GNPTAB: variants seen among roughly 807,000 people sequenced by gnomAD.
GNPTAB encodes N-acetylglucosamine-1-phosphotransferase subunits alpha/beta.
A neutral mutation model predicts 136.6 loss-of-function variants in GNPTAB; 92 were observed. The observed-to-expected ratio is 0.67, with a 90% confidence interval of 0.57 to 0.80. The LOEUF (loss-of-function observed/expected upper bound fraction) is 0.80. GNPTAB is among the 30% of genes least tolerant of loss of function. The pLI, the probability that GNPTAB is intolerant of heterozygous loss-of-function variation, is 0.00. For synonymous variants in GNPTAB, 512 were observed against 535.1 expected (o/e 0.96, Z 0.60); for missense variants, 1,343 against 1,501.8 (o/e 0.89, Z 1.75).
chr12:101,765,408 T>A, intron 12 of GNPTAB, 104 bp from the exon 13 acceptor site: 4 of 797,456 alleles, frequency 5.0e-6, no homozygotes, highest in Non-Finnish European at 2.1e-6. Flanking sequence ...TTAAAAAAAA[T>A]AATAGGGAAT....
chr12:101,762,611 TATAAATAA>T (rs941765698), intron 13 of GNPTAB, among the ~76,000 whole-genome samples: 1 of 151,992 alleles, frequency 6.6e-6, no homozygotes, highest in Non-Finnish European at 1.5e-5. Flanking sequence ...CTGGCATGGG[TATAAATAA>T]ATAAATAAAT....
At position 101,764,534 on chromosome 12, in the gene GNPTAB, C is replaced by T. The variant is rs748604930; in HGVS notation, c.2383G>A (p.Val795Ile). 3 of 1,613,380 alleles carry T rather than the reference C, an allele frequency of 1.9e-6. No homozygotes were observed. In the South Asian group the frequency reaches 3.3e-5, roughly 18 times the overall value. Residue 795 changes from valine to isoleucine, a missense_variant, in exon 13 of 21, where the codon GTA becomes ATA. By Grantham distance (29) the Val-to-Ile change is conservative. Transcript: ENST00000299314. ...LQRLTFPAVS[V>I]KVNGHDQGQN... ...CCCTGGTCATGACCATTCACTTTTA[C>T]ACTCACTGCAGGAAAAGTCAACCTC...
At chr12:101,784,338 G>C (rs1261923297) in intron 5 of GNPTAB, among the ~76,000 whole-genome samples, 1 of 152,208 alleles carries the variant, frequency 6.6e-6, no homozygotes, top group Admixed American at 6.5e-5. Flanking sequence ...ACAAGGCCTA[G>C]CACCACATGT....
At chr12:101,827,116 A>G (rs1219348451) in intron 1 of GNPTAB, among the ~76,000 whole-genome samples, 2 of 151,582 alleles carry the variant, frequency 1.3e-5, no homozygotes. Flanking sequence ...CACCACACCT[A>G]GCTAACTTTT....
At chr12:101,786,270 A>C in intron 4 of GNPTAB, 53 bp from the exon 5 acceptor site, 1 of 1,409,840 alleles carries the variant, frequency 7.1e-7, no homozygotes, top group South Asian at 1.2e-5. Flanking sequence ...TTTAATCAGC[A>C]ATGAGAAGCT....
chr12:101,788,557 G>T lies in GNPTAB; in HGVS notation c.356C>A (p.Thr119Asn). The change falls in exon 4 of 21, where the codon ACT (threonine) becomes AAT (asparagine). Residue 119 changes from threonine to asparagine, a missense_variant. Coordinates refer to ENST00000299314, the MANE Select transcript of GNPTAB (RefSeq NM_024312.5). ...AAATCAAAATGCTTACCTCTTCTTA[G>T]TAGGTTCCGTTGTGTTTTTCCCAAG... ...EILGKNTTEP[T>N]KKSEKQLECL... The T allele has an allele frequency of 6.4e-7, 1 of 1,562,294 alleles. No individual in the cohort carries two copies. The highest frequency in any genetic ancestry group is 8.8e-7 in the Non-Finnish European group (1 of 1,132,884).
intron 7 of GNPTAB, among the ~76,000 whole-genome samples, chr12:101,771,430 G>A (rs1566078293): frequency 6.6e-6 from 1 of 152,046 alleles, no homozygotes; most frequent in Non-Finnish European, 1.5e-5. Flanking sequence ...TTTTAGTAGA[G>A]ACAGGGTTTC....
chr12:101,751,400 G>C (rs543494848), intron 19 of GNPTAB, among the ~76,000 whole-genome samples: 1 of 152,308 alleles, frequency 6.6e-6, no homozygotes, highest in African/African-American at 2.4e-5. Context: ...TGGATAGACT[G>C]TGAGCATCTC....
At chr12:101,753,887 C>A (rs1952859936) in intron 18 of GNPTAB, among the ~76,000 whole-genome samples, 4 of 152,164 alleles carry the variant, frequency 2.6e-5, no homozygotes, top group Non-Finnish European at 5.9e-5. Flanking sequence ...TGGCGGCTCA[C>A]ACCTGTAATC....
Position 101,810,910 on chromosome 12 carries a change from C to G in GNPTAB, c.118-14148G>C, listed in dbSNP as rs760932872. ...AGTGCTCTCCTGCTCATGGAACAGC[C>G]AGTACAAAGCTCCTAAGGCAAGAAA... On this transcript the variant is annotated intron_variant, in intron 1 of 20. Coordinates refer to ENST00000299314, the MANE Select transcript of GNPTAB (RefSeq NM_024312.5). Among the ~76,000 whole-genome samples the G allele has an allele frequency of 6.0e-4, 92 of 152,202 alleles. 1 individual carries two copies. The highest frequency in any genetic ancestry group is 6.8e-3 in the Middle Eastern group (2 of 294).
chr12:101,747,062 G>A lies in GNPTAB; in HGVS notation c.*102C>T, dbSNP rs143697254. The stretch of plus-strand genomic sequence containing the variant: ...ATGGTACTGGATATTTTCCTTCTTC[G>A]GGCCAAACTGCTAAGCATCACATCA... On this transcript the variant is annotated 3_prime_UTR_variant, in exon 21 of 21. Coordinates refer to ENST00000299314, the MANE Select transcript of GNPTAB (RefSeq NM_024312.5). 8.9e-5 allele frequency: 68 copies of A among 762,652 alleles called. No individual in the cohort carries two copies. The highest frequency in any genetic ancestry group is 5.4e-4 in the East Asian group (21 of 38,796). The allele number at this position is 762,652 out of a possible 1,614,324, so 47.2% of individuals were successfully genotyped here.
intron 1 of GNPTAB, among the ~76,000 whole-genome samples, chr12:101,801,538 T>C (rs1267144657): frequency 1.1e-4 from 1 of 9,194 alleles, no homozygotes; most frequent in Non-Finnish European, 1.8e-4. Flanking sequence ...AGACCCTGTC[T>C]CAAAAAAAAA....
intron 6 of GNPTAB, 89 bp from the exon 7 acceptor site, chr12:101,780,375 A>G: frequency 7.4e-7 from 1 of 1,355,782 alleles, no homozygotes; most frequent in South Asian, 1.2e-5. Flanking sequence ...GATCTATTGC[A>G]TCACAACACA....
At chr12:101,807,567 C>G (rs528249038) in intron 1 of GNPTAB, among the ~76,000 whole-genome samples, 1 of 151,684 alleles carries the variant, frequency 6.6e-6, no homozygotes, top group Admixed American at 6.6e-5. Context: ...TGTAGAAAAT[C>G]CCAAAGAATC....
At chr12:101,801,231 CAAA>C (rs35036983) in intron 1 of GNPTAB, among the ~76,000 whole-genome samples, 222 of 12,688 alleles carry the variant, frequency 0.017, no homozygotes, top group African/African-American at 0.067. Context: ...GACCCTGTCT[CAAA>C]AAAAAAAAAA....
At chr12:101,766,650 A>G (rs1000889023) in intron 11 of GNPTAB, among the ~76,000 whole-genome samples, 1 of 152,198 alleles carries the variant, frequency 6.6e-6, no homozygotes, top group Non-Finnish European at 1.5e-5. Context: ...AAAAACAAAA[A>G]ACGAAAAAGA....
chr12:101,754,199 G>C (rs55698137), intron 18 of GNPTAB, among the ~76,000 whole-genome samples: 1,710 of 152,214 alleles, frequency 0.011, 43 homozygotes, highest in African/African-American at 0.039. Context: ...GATCAAGGTA[G>C]GCTGATTACT....
chr12:101,786,859 A>G (rs1031191013), intron 4 of GNPTAB, among the ~76,000 whole-genome samples: 1 of 152,226 alleles, frequency 6.6e-6, no homozygotes, highest in African/African-American at 2.4e-5. Flanking sequence ...TCCTTAATAA[A>G]GACATGTAAA....
intron 2 of GNPTAB, among the ~76,000 whole-genome samples, chr12:101,793,965 T>C (rs1869137310): frequency 6.6e-6 from 1 of 152,162 alleles, no homozygotes; most frequent in Non-Finnish European, 1.5e-5. Context: ...TGCCTCAGCC[T>C]CCCAAGTAGC....
Sources: allele counts gnomAD v4.1 joint callset (sites outside exome capture counted in the v4.1 genomes callset), GRCh38; gene constraint gnomAD v4.1.1; transcripts MANE v1.5; gene names NCBI Gene and HGNC (gene_info 2026-07-23, HGNC 2026-07-21).